The following MAS1 variants were observed in gnomAD, a reference collection of about 807,000 sequenced individuals.
MAS1 encodes proto-oncogene Mas.
For missense variants in MAS1, 387 were observed against 409.7 expected (o/e 0.94, Z 0.48); for synonymous variants, 163 against 164.2 (o/e 0.99, Z 0.05).
chr6:159,892,432 C>T (rs1418324963), intron 1 of MAS1, among the ~76,000 whole-genome samples: 3 of 152,158 alleles, frequency 2.0e-5, no homozygotes, highest in Non-Finnish European at 4.4e-5. Flanking sequence ...ATTGGCTTTT[C>T]TCTCTTTCCT....
chr6:159,898,842 C>T (rs1782792154), intron 1 of MAS1, among the ~76,000 whole-genome samples: 1 of 151,920 alleles, frequency 6.6e-6, no homozygotes, highest in South Asian at 2.1e-4. Context: ...TGTCTCAGCT[C>T]ATGGTCAGAA....
At chr6:159,890,818 A>G (rs1432764652), upstream of MAS1, among the ~76,000 whole-genome samples, 1 of 152,132 alleles carries the variant, frequency 6.6e-6, no homozygotes, top group Non-Finnish European at 1.5e-5. Context: ...TAGTGGTTCA[A>G]GGTGATCCAC....
chr6:159,903,288 C>A (rs1011385853), intron 2 of MAS1, among the ~76,000 whole-genome samples: 2 of 152,110 alleles, frequency 1.3e-5, no homozygotes, highest in African/African-American at 2.4e-5. Context: ...CTTCCTTTGA[C>A]CCCCACTCTG....
intron 2 of MAS1, among the ~76,000 whole-genome samples, chr6:159,905,084 G>T (rs1027441858): frequency 1.3e-5 from 2 of 152,088 alleles, no homozygotes. Flanking sequence ...AACTGTTCAC[G>T]CACTGACATC....
In MAS1 at chr6:159,907,541, T is replaced by G; in HGVS notation, c.586T>G (p.Phe196Val). The change falls in exon 3 of 3, where the codon TTC (phenylalanine) becomes GTC (valine). Residue 196 changes from phenylalanine (F) to valine (V), a missense_variant. Physicochemically the swap from Phe to Val is conservative, Grantham distance 50 (BLOSUM62 -1). Transcript: ENST00000674077. ...AVIIFIAILSFLVFTPLMLVS... is the reference protein window; with the variant it reads ...AVIIFIAILSVLVFTPLMLVS... ...CATCATCTTTATAGCCATCCTGAGCTTCCTGGTCTTCACGCCCCTCATGCT... is the reference window on the plus strand; with the variant it reads ...CATCATCTTTATAGCCATCCTGAGCGTCCTGGTCTTCACGCCCCTCATGCT... 1 of 1,614,070 alleles carries G rather than the reference T, an allele frequency of 6.2e-7. No homozygotes were observed. The highest frequency in any genetic ancestry group is 8.5e-7 in the Non-Finnish European group (1 of 1,180,012).
At chr6:159,898,613 C>CCCT (rs1782784290) in intron 1 of MAS1, among the ~76,000 whole-genome samples, 3 of 6,272 alleles carry the variant, frequency 4.8e-4, no homozygotes, top group Non-Finnish European at 1.3e-3. Context: ...TCTTCCTCCT[C>CCCT]CTTCCTCCTC....
Position 159,916,698 on chromosome 6 carries a change from G to C in MAS1, c.*8765G>C, listed in dbSNP as rs780112820. Among the ~76,000 whole-genome samples the C allele has an allele frequency of 1.3e-5, 2 of 152,174 alleles. No homozygotes were observed. Among genetic ancestry groups the C allele is most frequent in the African/African-American group, 4.8e-5 (2 of 41,440 alleles). On this transcript the variant is annotated 3_prime_UTR_variant, in exon 3 of 3. Coordinates refer to ENST00000674077, the MANE Select transcript of MAS1 (RefSeq NM_002377.4). ...TTGCCAGTGAGAGGCAAAGACACGA[G>C]GCCAATTCAACAACCCACCTCAAAC...
rs1194264306 is a variant in MAS1 at position 159,909,855 on chromosome 6, T to C, written c.*1922T>C. The stretch of plus-strand genomic sequence containing the variant: ...CCCCTATTTATTGTTTTTCTGCAGA[T>C]AAAGTGGGGAAATCGAATGTGATAA... On this transcript the variant is annotated 3_prime_UTR_variant, in exon 3 of 3. Coordinates refer to ENST00000674077, the MANE Select transcript of MAS1 (RefSeq NM_002377.4). The C allele has an allele frequency of 6.6e-6, 1 of 152,116 alleles. No individual in the cohort carries two copies. Among genetic ancestry groups the C allele is most frequent in the Admixed American group, 6.5e-5 (1 of 15,284 alleles). The allele number at this position is 152,116 out of a possible 1,614,324, so 9.4% of individuals were successfully genotyped here. A position where few individuals can be genotyped will look rare whatever the true frequency, so the allele number is the denominator to read the frequency against.
intron 2 of MAS1, among the ~76,000 whole-genome samples, chr6:159,903,052 C>T (rs1481478664): frequency 6.6e-6 from 1 of 152,140 alleles, no homozygotes; most frequent in African/African-American, 2.4e-5. Flanking sequence ...AACTACACTG[C>T]CCCAGGCTCA....
chr6:159,895,485 A>G (rs1782745277), intron 1 of MAS1, among the ~76,000 whole-genome samples: 1 of 152,246 alleles, frequency 6.6e-6, no homozygotes, highest in African/African-American at 2.4e-5. Flanking sequence ...AAAATATAAC[A>G]TATACATATG....
chr6:159,907,636 C>T lies in MAS1; in HGVS notation c.681C>T (p.Tyr227=), dbSNP rs1782910214. The T allele has an allele frequency of 6.2e-7, 1 of 1,613,860 alleles. No individual in the cohort carries two copies. The highest frequency in any genetic ancestry group is 1.7e-5 in the Admixed American group (1 of 59,968). ...GGGCTTCCCATTCCTCCAAGCTTTA[C>T]ATAGTCATCATGGTCACCATCATTA... ...NTWASHSSKL[Y]IVIMVTIIIF... is the part of the protein sequence containing the mutation. The change falls in exon 3 of 3, where the codon TAC becomes TAT. Residue 227 remains tyrosine, a synonymous_variant. Transcript: ENST00000674077.
Position 159,913,958 on chromosome 6 carries a change from A to G in MAS1, c.*6025A>G, listed in dbSNP as rs1435645376. On this transcript the variant is annotated 3_prime_UTR_variant, in exon 3 of 3. Coordinates refer to ENST00000674077, the MANE Select transcript of MAS1 (RefSeq NM_002377.4). ...ATGTGTACATATACATGTTAATACAAAGGGTTGAATTGTTAAAGCAAATTC... is the reference window on the plus strand; with the variant it reads ...ATGTGTACATATACATGTTAATACAGAGGGTTGAATTGTTAAAGCAAATTC... 1 of 152,236 alleles carries G rather than the reference A, an allele frequency of 6.6e-6. No individual in the cohort carries two copies. The highest frequency in any genetic ancestry group is 2.4e-5 in the African/African-American group (1 of 41,464). The allele number at this position is 152,236 out of a possible 1,614,324, so 9.4% of individuals were successfully genotyped here. A position where few individuals can be genotyped will look rare whatever the true frequency, so the allele number is the denominator to read the frequency against.
chr6:159,899,252 A>G lies in MAS1; in HGVS notation c.-177A>G, dbSNP rs1439945456. ...TGTGATGCTGCCAGTAATGCTGACC[A>G]GTCGTGGTGCTGTCACCTCCTTGGC... On this transcript the variant is annotated 5_prime_UTR_variant, in exon 2 of 3. Transcript: ENST00000674077. 6.6e-6 allele frequency: 1 copy of G among 152,352 alleles called. No individual in the cohort carries two copies. The highest frequency in any genetic ancestry group is 1.5e-5 in the Non-Finnish European group (1 of 68,130). The allele number at this position is 152,352 out of a possible 1,614,324, so 9.4% of individuals were successfully genotyped here.
Position 159,907,662 on chromosome 6 carries a change from T to C in MAS1, c.707T>C (p.Ile236Thr). Residue 236 changes from isoleucine (I) to threonine (T), a missense_variant, in exon 3 of 3, where the codon ATA (isoleucine) becomes ACA (threonine). Coordinates refer to ENST00000674077, the MANE Select transcript of MAS1 (RefSeq NM_002377.4). ...LYIVIMVTII[I>T]FLIFAMPMRL... ...ATAGTCATCATGGTCACCATCATTA[T>C]ATTCCTCATCTTCGCTATGCCCATG... The C allele has an allele frequency of 1.2e-6, 2 of 1,613,906 alleles. No homozygotes were observed. Among genetic ancestry groups the C allele is most frequent in the Non-Finnish European group, 1.7e-6 (2 of 1,179,984 alleles).
intron 2 of MAS1, 145 bp from the exon 3 acceptor site, chr6:159,906,775 A>G (rs967472268): frequency 1.4e-5 from 9 of 632,684 alleles, no homozygotes; most frequent in Non-Finnish European, 2.4e-5. Context: ...TAATCTTATC[A>G]TTGTGACAAA....
chr6:159,898,499 C>CTCCTCCTCCTCCTCATCCTCCTTCT (rs1782779340), intron 1 of MAS1, among the ~76,000 whole-genome samples: 1 of 147,270 alleles, frequency 6.8e-6, no homozygotes, highest in African/African-American at 2.6e-5. Context: ...ACTCCTCCTC[C>CTCCTCCTCCTCCTCATCCTCCTTCT]TCCTCCTCCT....
chr6:159,904,212 T>A (rs896342496), intron 2 of MAS1, among the ~76,000 whole-genome samples: 27 of 152,154 alleles, frequency 1.8e-4, no homozygotes, highest in African/African-American at 6.5e-4. Flanking sequence ...TTCTCCTTTT[T>A]AATGGCCCGT....
At chr6:159,890,784 T>C (rs755047532), upstream of MAS1, among the ~76,000 whole-genome samples, 20 of 152,366 alleles carry the variant, frequency 1.3e-4, no homozygotes, top group Non-Finnish European at 2.6e-4. Flanking sequence ...CCACGTCATC[T>C]TTCTCTTTAG....
intron 1 of MAS1, among the ~76,000 whole-genome samples, chr6:159,898,784 CCTT>C (rs1782791530): frequency 6.7e-6 from 1 of 149,840 alleles, no homozygotes; most frequent in Non-Finnish European, 1.5e-5. Flanking sequence ...TCCCCTTCTC[CCTT>C]CTTCTCCTTC....
Sources: allele counts gnomAD v4.1 joint callset (sites outside exome capture counted in the v4.1 genomes callset), GRCh38; gene constraint gnomAD v4.1.1; transcripts MANE v1.5; gene names NCBI Gene and HGNC (gene_info 2026-07-23, HGNC 2026-07-21).